CUBN: variants seen among roughly 807,000 people sequenced by gnomAD.
CUBN encodes cubilin.
CUBN carries 282 observed loss-of-function variants against 405.3 expected under a neutral mutation model. The ratio of observed to expected loss-of-function variants is 0.70; its 90% CI spans 0.63 to 0.77. CUBN has a LOEUF of 0.77. Among genes scored for constraint, CUBN ranks in the 30% least tolerant of loss-of-function variants. CUBN has a pLI of 0.00. For synonymous variants in CUBN, 1,684 were observed against 1,617.0 expected (o/e 1.04, Z -0.99); for missense variants, 4,514 against 4,475.2 (o/e 1.01, Z -0.25).
Position 16,899,178 on chromosome 10 carries a change from C to T in CUBN, c.8416G>A (p.Gly2806Ser). ...ATWNTQTLGC[G>S]GIFHSDNGTI... Reference sequence around the variant, plus strand: ...CCATTATCAGAATGAAATATTCCACCACAACCTGAAATATTGCCATGTAAA... The same window carrying T: ...CCATTATCAGAATGAAATATTCCACTACAACCTGAAATATTGCCATGTAAA... Residue 2806 changes from glycine to serine, a missense_variant, in exon 54 of 67, where the codon GGT becomes AGT. Physicochemically the swap from Gly to Ser is moderately conservative, Grantham distance 56. This residue lies in a region of CUBN where 1,186 missense variants were observed against 1,186.9 expected (regional missense o/e 1.00). Transcript: ENST00000377833. 6.8e-6 allele frequency: 11 copies of T among 1,613,364 alleles called. No homozygotes were observed. Among genetic ancestry groups the T allele is most frequent in the Non-Finnish European group, 8.5e-6 (10 of 1,179,300 alleles).
At chr10:17,118,290 T>G (rs931850648) in intron 6 of CUBN, among the ~76,000 whole-genome samples, 1 of 152,160 alleles carries the variant, frequency 6.6e-6, no homozygotes, top group Non-Finnish European at 1.5e-5. Flanking sequence ...AGACTAACAT[T>G]TCCCAAAACC....
chr10:17,026,783 G>C (rs1324269816), intron 27 of CUBN, among the ~76,000 whole-genome samples: 1 of 152,210 alleles, frequency 6.6e-6, no homozygotes, highest in East Asian at 1.9e-4. Context: ...GCAGAGCATG[G>C]TTGATCCCAG....
chr10:16,922,732 G>A (rs1250536216), intron 43 of CUBN, among the ~76,000 whole-genome samples: 1 of 152,028 alleles, frequency 6.6e-6, no homozygotes, highest in Non-Finnish European at 1.5e-5. Flanking sequence ...TATCACTGAT[G>A]GGCAAATCTC....
intron 26 of CUBN, 152 bp downstream of exon 26, chr10:17,043,675 T>C: frequency 9.6e-7 from 1 of 1,037,938 alleles, no homozygotes; most frequent in South Asian, 1.3e-5. Context: ...TGCGTTACAC[T>C]TATTTCAGTT....
chr10:16,992,444 G>A (rs1833619620), intron 28 of CUBN, among the ~76,000 whole-genome samples: 2 of 152,092 alleles, frequency 1.3e-5, no homozygotes, highest in African/African-American at 2.4e-5. Context: ...ATGAGTAAAC[G>A]TGCATTTTTC....
intron 22 of CUBN, among the ~76,000 whole-genome samples, chr10:17,061,823 T>C (rs1835510775): frequency 6.6e-6 from 1 of 152,180 alleles, no homozygotes; most frequent in African/African-American, 2.4e-5. Context: ...TGTTACTAGC[T>C]GTTATATGCA....
At chr10:17,040,977 G>C in intron 27 of CUBN, 56 bp downstream of exon 27, 1 of 1,520,930 alleles carries the variant, frequency 6.6e-7, no homozygotes, top group Non-Finnish European at 9.1e-7. Flanking sequence ...ATTCTAACTT[G>C]ACACATCTCC....
rs1193132939 is a variant in CUBN at position 16,953,254 on chromosome 10, C to G, written c.4856-865G>C. On this transcript the variant is annotated intron_variant, in intron 32 of 66. Transcript: ENST00000377833. ...GGACTTTTTACTATGAAGCAACAAA[C>G]AAGTGAATAATAACATGCAAAAGAA... Among the ~76,000 whole-genome samples, 3 of 152,246 alleles carry G rather than the reference C, an allele frequency of 2.0e-5. No individual in the cohort carries two copies. The East Asian group carries it at 5.8e-4, about 29-fold the overall frequency.
chr10:16,904,980 C>T (rs918588692), intron 50 of CUBN, among the ~76,000 whole-genome samples: 3 of 152,138 alleles, frequency 2.0e-5, no homozygotes, highest in Admixed American at 6.5e-5. Flanking sequence ...GCCCTTGGCC[C>T]GTGGGTACAG....
In CUBN at chr10:16,824,994, C is replaced by T. The variant is rs780837561; in HGVS notation, c.10853G>A (p.Arg3618Gln). The part of the protein sequence containing the change: ...ADYARRPSAF[R>Q]LTWDS ...ACCCACTTAGCTGTCCCAAGTTAATCGGAATGCGGATGGACGCCGTGCATA... is the reference window on the plus strand; with the variant it reads ...ACCCACTTAGCTGTCCCAAGTTAATTGGAATGCGGATGGACGCCGTGCATA... Residue 3618 changes from arginine to glutamine, a missense_variant, in exon 67 of 67, where the codon CGA (arginine) becomes CAA (glutamine). Physicochemically the swap from Arg to Gln is conservative, Grantham distance 43. Coordinates refer to ENST00000377833, the MANE Select transcript of CUBN (RefSeq NM_001081.4). 2.9e-5 allele frequency: 46 copies of T among 1,613,458 alleles called. No individual in the cohort carries two copies. In the Admixed American group the frequency reaches 3.3e-4, roughly 12 times the overall value.
chr10:16,923,797 GA>G (rs1160606008), intron 43 of CUBN, among the ~76,000 whole-genome samples: 5 of 152,136 alleles, frequency 3.3e-5, no homozygotes, highest in Non-Finnish European at 1.5e-5. Flanking sequence ...ATTGGCTGAG[GA>G]CGGTGGCTTA....
Position 17,019,847 on chromosome 10 carries a change from T to C in CUBN, c.4154A>G (p.Gln1385Arg), listed in dbSNP as rs771799817. ...ACCTGGCTTACCGTAAACAAACCAC[T>C]GCATCTGAAATCCTTTCTCACGGCG... is the stretch of plus-strand genomic sequence containing the variant. ...VGRREKGFQMQWFVYGCGGEL... is the reference protein window; with the variant it reads ...VGRREKGFQMRWFVYGCGGEL... Residue 1385 changes from glutamine to arginine, a missense_variant, in exon 28 of 67, where the codon CAG becomes CGG. Transcript: ENST00000377833. 1.9e-6 allele frequency: 3 copies of C among 1,614,150 alleles called. No individual in the cohort carries two copies. The highest frequency in any genetic ancestry group is 2.5e-6 in the Non-Finnish European group (3 of 1,180,000).
chr10:16,951,561 A>T (rs1389392899), intron 33 of CUBN, among the ~76,000 whole-genome samples: 1 of 152,200 alleles, frequency 6.6e-6, no homozygotes, highest in African/African-American at 2.4e-5. Context: ...GAAGGGCCCC[A>T]GCATCACCCG....
Position 17,072,056 on chromosome 10 carries a change from G to A in CUBN, c.2302-85C>T. 6 of 1,064,066 alleles carry A rather than the reference G, an allele frequency of 5.6e-6. No homozygotes were observed. In the Admixed American group the frequency reaches 6.1e-5, roughly 11 times the overall value. 65.9% of individuals were successfully genotyped at this position (1,064,066 alleles called of 1,614,324 possible). The stretch of plus-strand genomic sequence containing the variant: ...TGGCGTTACTTGGAGATGAAAAAAT[G>A]GCAGATTCAAAATGAATGATAATCC... On this transcript the variant is annotated intron_variant, in intron 17 of 66. Coordinates refer to ENST00000377833, the MANE Select transcript of CUBN (RefSeq NM_001081.4).
At chr10:17,026,403 C>G (rs369616648) in intron 27 of CUBN, among the ~76,000 whole-genome samples, 1 of 152,064 alleles carries the variant, frequency 6.6e-6, no homozygotes, top group Non-Finnish European at 1.5e-5. Flanking sequence ...GAAGCCGAAG[C>G]GGGTGATCAC....
rs182163457 is a variant in CUBN, at chr10:16,905,166, G to A, written c.7912+1037C>T. ...CACAGAACTCAGCAAAACTTTTACA[G>A]TATGGATGATTACGTACTATTTACA... On this transcript the variant is annotated intron_variant, in intron 50 of 66. Coordinates refer to ENST00000377833, the MANE Select transcript of CUBN (RefSeq NM_001081.4). 5.3e-5 allele frequency among the ~76,000 whole-genome samples: 8 copies of A among 152,296 alleles called. No homozygotes were observed. In the East Asian group the frequency reaches 1.2e-3, roughly 22 times the overall value.
In CUBN at chr10:16,851,374, G is replaced by T. The variant is rs368697251; in HGVS notation, c.9524C>A (p.Ser3175Ter). 1.5e-5 allele frequency: 24 copies of T among 1,614,064 alleles called. No individual in the cohort carries two copies. In the African/African-American group the frequency reaches 2.7e-4, roughly 18 times the overall value. ...NNTFASPDSDSNGMYDKNLNC... is the reference protein window; with the variant it reads ...NNTFASPDSD ...TAAATTCTTGTCATACATTCCATTC[G>T]AATCAGAATCAGGAGAGGCAAAGGT... The change falls in exon 60 of 67, where the codon TCG becomes TAG. Residue 3175 changes from serine (S) to a stop codon, truncating the protein, a stop_gained. Transcript: ENST00000377833. LOFTEE classifies it high-confidence loss of function.
intron 17 of CUBN, among the ~76,000 whole-genome samples, chr10:17,073,311 C>A: frequency 6.6e-6 from 1 of 152,060 alleles, no homozygotes; most frequent in East Asian, 1.9e-4. Flanking sequence ...TTAACTTCCT[C>A]AGTACATCAG....
chr10:17,062,548 C>G (rs917103375), intron 22 of CUBN, among the ~76,000 whole-genome samples: 2 of 152,190 alleles, frequency 1.3e-5, no homozygotes, highest in Admixed American at 6.5e-5. Context: ...TAAACCTGTA[C>G]TTGTTAGTTC....
Sources: allele counts gnomAD v4.1 joint callset (sites outside exome capture counted in the v4.1 genomes callset), GRCh38; gene constraint gnomAD v4.1.1; regional missense constraint gnomAD v4.1.1; transcripts MANE v1.5; gene names NCBI Gene and HGNC (gene_info 2026-07-23, HGNC 2026-07-21).